C17orf107: variants seen among roughly 807,000 people sequenced by gnomAD.
The protein encoded by C17orf107 is uncharacterized protein C17orf107.
A neutral mutation model predicts 8.9 loss-of-function variants in C17orf107; 9 were observed. The observed-to-expected ratio is 1.02, with a 90% CI of 0.61 to 1.77. The LOEUF (loss-of-function observed/expected upper bound fraction) is 1.77, where lower values mean the gene tolerates loss of function less well. Ranked by LOEUF, C17orf107 falls within the 40% of genes most tolerant of loss-of-function variation. The pLI, the probability that C17orf107 is intolerant of heterozygous loss-of-function variation, is 0.00. For missense variants in C17orf107, 281 were observed against 249.0 expected (o/e 1.13, Z -0.86); for synonymous variants, 139 against 120.3 (o/e 1.16, Z -1.02).
chr17:4,900,595 G>A lies in C17orf107; in HGVS notation c.*62G>A, dbSNP rs571849061. On this transcript the variant is annotated 3_prime_UTR_variant, in exon 3 of 3. Transcript: ENST00000381365. ...GGACTGTCCCCCAAGAGAGCTACTC[G>A]GGAGACCTCCAGGTGACGTCCAGCA... 1.1e-4 allele frequency: 174 copies of A among 1,541,678 alleles called. No homozygotes were observed. The African/African-American group carries it at 2.1e-3, about 19-fold the overall frequency.
At chr17:4,903,034 G>C, downstream of C17orf107, 1 of 1,614,034 alleles carries the variant, frequency 6.2e-7, no homozygotes, top group Non-Finnish European at 8.5e-7. Flanking sequence ...GCCCCAAGAG[G>C]AGCAGGACCC....
chr17:4,899,783 C>T lies in C17orf107; in HGVS notation c.21C>T (p.Ser7=). Residue 7 remains serine (S), a synonymous_variant, in exon 1 of 3, where the codon TCC becomes TCT. Transcript: ENST00000381365. MKGTPS[S]LDTLMWIYHF... ...CGGCCATGAAGGGGACCCCCAGCTCCCTGGACACCCTGATGTGGATCTACC... is the reference window on the plus strand; with the variant it reads ...CGGCCATGAAGGGGACCCCCAGCTCTCTGGACACCCTGATGTGGATCTACC... 6.4e-7 allele frequency: 1 copy of T among 1,551,338 alleles called. No homozygotes were observed. The highest frequency in any genetic ancestry group is 2.0e-5 in the Admixed American group (1 of 51,008).
rs770338256 is a variant in C17orf107 at position 4,900,258 on chromosome 17, C to T, written c.298C>T (p.Gln100Ter). The T allele has an allele frequency of 1.3e-6, 2 of 1,546,672 alleles. No individual in the cohort carries two copies. The highest frequency in any genetic ancestry group is 2.4e-5 in the South Asian group (2 of 83,910). The change falls in exon 3 of 3, where the codon CAG (glutamine) becomes TAG (stop). Residue 100 changes from glutamine (Q) to a stop codon, truncating the protein, a stop_gained. Coordinates refer to ENST00000381365, the MANE Select transcript of C17orf107 (RefSeq NM_001145536.2). LOFTEE classifies it low-confidence loss of function (END_TRUNC). ...GCAGATCTCAGCCCTGTGGCTGCAG[C>T]AGGAGGCGCGGCGACTAGACGGCAG... ...LLEISALWLQ[Q>*]EARRLDGSAG...
chr17:4,900,935 C>T lies in C17orf107; in HGVS notation c.*402C>T, dbSNP rs1288890792. 15 of 1,613,926 alleles carry T rather than the reference C, an allele frequency of 9.3e-6. No homozygotes were observed. The highest frequency in any genetic ancestry group is 2.7e-5 in the African/African-American group (2 of 74,936). On this transcript the variant is annotated 3_prime_UTR_variant, in exon 3 of 3. Transcript: ENST00000381365. ...GGAGGGAGAGCCAGTGAGAGCGGGC[C>T]CCGCCTCCCGGGAGCGAGCCCGGGT...
In C17orf107 at chr17:4,901,066, G is replaced by T; in HGVS notation, c.*533G>T. On this transcript the variant is annotated 3_prime_UTR_variant, in exon 3 of 3. Coordinates refer to ENST00000381365, the MANE Select transcript of C17orf107 (RefSeq NM_001145536.2). Reference sequence around the variant, plus strand: ...AGGGCACGATGATGTTAATGACGTAGAAGAGCGGCTTCCGGCGGATGATGA... The same window carrying T: ...AGGGCACGATGATGTTAATGACGTATAAGAGCGGCTTCCGGCGGATGATGA... 1 of 1,614,046 alleles carries T rather than the reference G, an allele frequency of 6.2e-7. No homozygotes were observed. The highest frequency in any genetic ancestry group is 8.5e-7 in the Non-Finnish European group (1 of 1,179,994).
At position 4,899,667 on chromosome 17, in the gene C17orf107, T is replaced by C; in HGVS notation, c.-96T>C. 1 of 1,445,136 alleles carries C rather than the reference T, an allele frequency of 6.9e-7. No homozygotes were observed. The highest frequency in any genetic ancestry group is 9.5e-7 in the Non-Finnish European group (1 of 1,050,962). 89.5% of individuals were successfully genotyped at this position (1,445,136 alleles called of 1,614,324 possible). On this transcript the variant is annotated 5_prime_UTR_variant, in exon 1 of 3. Coordinates refer to ENST00000381365, the MANE Select transcript of C17orf107 (RefSeq NM_001145536.2). ...GCGCTGACCTCACAAACACGGCTTC[T>C]CCTGGTACGGGCTGGTTACGCCCTC...
Position 4,899,965 on chromosome 17 carries a change from C to T in C17orf107, c.96C>T (p.Ser32=). 6.4e-6 allele frequency: 10 copies of T among 1,551,490 alleles called. No individual in the cohort carries two copies. Among genetic ancestry groups the T allele is most frequent in the Admixed American group, 3.9e-5 (2 of 51,008 alleles). Residue 32 remains serine (S), a synonymous_variant, in exon 2 of 3, where the codon TCC becomes TCT. Coordinates refer to ENST00000381365, the MANE Select transcript of C17orf107 (RefSeq NM_001145536.2). ...EVALQPPLLS[S]LELSVAAAHE... is the part of the protein sequence containing the mutation. ...CCCTCCAGCCCCCGCTTCTGTCTTC[C>T]CTGGAACTCTCCGTGGCCGCAGCCC...
At chr17:4,899,880 C>CA in intron 1 of C17orf107, 52 bp downstream of exon 1, 1 of 1,548,998 alleles carries the variant, frequency 6.5e-7, no homozygotes, top group Non-Finnish European at 8.7e-7. Context: ...GGGTAGGTCT[C>CA]CTGTTCGCCC....
downstream of C17orf107, among the ~76,000 whole-genome samples, chr17:4,903,876 G>A (rs1371297864): frequency 6.6e-6 from 1 of 151,952 alleles, no homozygotes; most frequent in South Asian, 2.1e-4. Context: ...AAATTTTTTT[G>A]AGACCAAGTC....
chr17:4,905,296 CCTAA>C (rs1970077278), downstream of C17orf107, among the ~76,000 whole-genome samples: 2 of 152,156 alleles, frequency 1.3e-5, no homozygotes, highest in Admixed American at 1.3e-4. Flanking sequence ...TGCCTGTAAT[CCTAA>C]CTATTTGGGA....
chr17:4,902,970 T>C, downstream of C17orf107: 1 of 1,611,748 alleles, frequency 6.2e-7, no homozygotes, highest in Non-Finnish European at 8.5e-7. The surrounding 1 kb of genome is among the most constrained non-coding windows in gnomAD (Gnocchi z 4.0). Context: ...AGTCCCTTCA[T>C]GTCAGTATCT....
Position 4,899,838 on chromosome 17 carries a change from C to A in C17orf107, c.66+10C>A. On this transcript the variant is annotated intron_variant, in intron 1 of 2. Coordinates refer to ENST00000381365, the MANE Select transcript of C17orf107 (RefSeq NM_001145536.2). Reference sequence around the variant, plus strand: ...CCACAGCTCCACCGAGGTGAGGCTACGCCCGCCAAGGGCTGCACCTCGAGA... The same window carrying A: ...CCACAGCTCCACCGAGGTGAGGCTAAGCCCGCCAAGGGCTGCACCTCGAGA... 1.3e-6 allele frequency: 2 copies of A among 1,550,990 alleles called. No homozygotes were observed. Among genetic ancestry groups the A allele is most frequent in the Non-Finnish European group, 1.7e-6 (2 of 1,146,764 alleles).
downstream of C17orf107, among the ~76,000 whole-genome samples, chr17:4,906,626 G>A (rs1970095435): frequency 6.6e-6 from 1 of 152,090 alleles, no homozygotes; most frequent in African/African-American, 2.4e-5. Context: ...GCTGAGGTAG[G>A]AGAATTGCTT....
rs753180763 is a variant in C17orf107 at position 4,901,673 on chromosome 17, C to G, written c.*1140C>G. 4.2e-5 allele frequency: 66 copies of G among 1,559,322 alleles called. No homozygotes were observed. Among genetic ancestry groups the G allele is most frequent in the Non-Finnish European group, 5.6e-5 (63 of 1,132,844 alleles). On this transcript the variant is annotated 3_prime_UTR_variant, in exon 3 of 3. Coordinates refer to ENST00000381365, the MANE Select transcript of C17orf107 (RefSeq NM_001145536.2). ...CCACCCCAGAAGCTCTGACCTGGGCCCCGGCCTCAGGCCCAGCCCTGGAAG... is the reference window on the plus strand; with the variant it reads ...CCACCCCAGAAGCTCTGACCTGGGCGCCGGCCTCAGGCCCAGCCCTGGAAG...
In C17orf107 at chr17:4,900,399, C is replaced by G. The variant is rs1969942137; in HGVS notation, c.439C>G (p.Leu147Val). The G allele has an allele frequency of 6.4e-7, 1 of 1,550,556 alleles. No individual in the cohort carries two copies. The highest frequency in any genetic ancestry group is 8.7e-7 in the Non-Finnish European group (1 of 1,146,840). The change falls in exon 3 of 3, where the codon CTA becomes GTA. Residue 147 changes from leucine to valine, a missense_variant. Coordinates refer to ENST00000381365, the MANE Select transcript of C17orf107 (RefSeq NM_001145536.2). ...TGCGGTGGGCGCCAGCGCCCGGCTC[C>G]TAGTCCAGGGAGCATGGCTATGCCT... ...GAAVGASARLLVQGAWLCLCG... is the reference protein window; with the variant it reads ...GAAVGASARLVVQGAWLCLCG...
At chr17:4,904,668 ATGAGAC>A (rs1970068365), downstream of C17orf107, among the ~76,000 whole-genome samples, 1 of 152,216 alleles carries the variant, frequency 6.6e-6, no homozygotes, top group Non-Finnish European at 1.5e-5. Context: ...GCAATAATGC[ATGAGAC>A]TTATCAATCA....
Position 4,902,326 on chromosome 17 carries a change from C to G in C17orf107, c.*1793C>G, listed in dbSNP as rs1200020913. On this transcript the variant is annotated 3_prime_UTR_variant, in exon 3 of 3. Transcript: ENST00000381365. This position sits in a 1 kb window ranked among gnomAD's most constrained non-coding sequence, Gnocchi z 4.0. Reference sequence around the variant, plus strand: ...TAGTTGAGTCGGTAATCCTGCCAATCCTAAGGGGTGGGGGATGGAAGGCCG... The same window carrying G: ...TAGTTGAGTCGGTAATCCTGCCAATGCTAAGGGGTGGGGGATGGAAGGCCG... 2.5e-6 allele frequency: 4 copies of G among 1,614,054 alleles called. No homozygotes were observed. In the Admixed American group the frequency reaches 5.0e-5, roughly 20 times the overall value.
downstream of C17orf107, among the ~76,000 whole-genome samples, chr17:4,906,012 C>A (rs1295825378): frequency 6.6e-6 from 1 of 152,202 alleles, no homozygotes; most frequent in East Asian, 1.9e-4. Context: ...CCTCTCACTT[C>A]GTCAGCACTG....
downstream of C17orf107, among the ~76,000 whole-genome samples, chr17:4,906,586 G>A (rs562100155): frequency 5.3e-5 from 8 of 152,020 alleles, no homozygotes; most frequent in East Asian, 1.9e-4. Context: ...ATAAGAAAAC[G>A]TGCTCAGCAT....
Sources: allele counts gnomAD v4.1 joint callset (sites outside exome capture counted in the v4.1 genomes callset), GRCh38; gene constraint gnomAD v4.1.1; non-coding constraint Gnocchi (gnomAD v3.1); transcripts MANE v1.5; gene names NCBI Gene and HGNC (gene_info 2026-07-23, HGNC 2026-07-21).